MAOB: variants seen among roughly 807,000 people sequenced by gnomAD.
MAOB encodes monoamine oxidase B.
Under a neutral mutation model 41.9 loss-of-function variants are expected in MAOB, and 15 were observed. The observed-to-expected ratio is 0.36, with a 90% confidence interval of 0.24 to 0.55. The LOEUF (loss-of-function observed/expected upper bound fraction) is 0.55, where lower values mean the gene tolerates loss of function less well. Ranked by LOEUF, MAOB falls within the 20% of genes least tolerant of loss-of-function variation. MAOB has a pLI of 0.86. For missense variants in MAOB, 345 were observed against 398.7 expected (o/e 0.87, Z 1.15); for synonymous variants, 167 against 144.2 (o/e 1.16, Z -1.13).
At chrX:43,839,812 A>T (rs1014384219) in intron 2 of MAOB, among the ~76,000 whole-genome samples, 2 of 112,271 alleles carry the variant, frequency 1.8e-5, no homozygotes, top group Non-Finnish European at 3.8e-5. Flanking sequence ...TCAGCACCTA[A>T]TTGTACTAAA....
At chrX:43,775,338 G>C (rs1284185581) in intron 11 of MAOB, 66 bp from the exon 12 acceptor site, 1 of 1,157,969 alleles carries the variant, frequency 8.6e-7, no homozygotes, top group African/African-American at 1.8e-5. Context: ...AGAATAAATC[G>C]AACAGTTTAG....
In MAOB at chrX:43,819,047, T is replaced by C. The variant is rs371529364; in HGVS notation, c.280-15643A>G. Among the ~76,000 whole-genome samples, 31 of 111,553 alleles carry C rather than the reference T, an allele frequency of 2.8e-4. No individual in the cohort carries two copies. The East Asian group carries it at 5.7e-3, about 20-fold the overall frequency. On this transcript the variant is annotated intron_variant, in intron 3 of 14. Transcript: ENST00000378069. ...ACTCTATTGATCTCACCAGACACTC[T>C]TACGCTTCTCTGTCCAGAGCCTTTG...
intron 3 of MAOB, among the ~76,000 whole-genome samples, chrX:43,818,755 C>T (rs766141129): frequency 3.6e-5 from 4 of 112,066 alleles, no homozygotes; most frequent in South Asian, 3.8e-4. Flanking sequence ...ATGGAAAAAG[C>T]GCAAGCTATG....
chrX:43,852,387 G>A (rs1490195674), intron 1 of MAOB, among the ~76,000 whole-genome samples: 1 of 112,325 alleles, frequency 8.9e-6, no homozygotes, highest in Non-Finnish European at 1.9e-5. Flanking sequence ...AGGAATAGAT[G>A]TGCTAAGATA....
At chrX:43,770,213 C>T (rs113030999) in intron 12 of MAOB, among the ~76,000 whole-genome samples, 1,267 of 111,245 alleles carry the variant, frequency 0.011, 29 homozygotes, top group African/African-American at 0.039. Context: ...CTGATCACCA[C>T]GGGCTGTAAA....
At position 43,767,652 on chromosome X, in the gene MAOB, G is replaced by A. The variant is rs376495597; in HGVS notation, c.1411-34C>T. The A allele has an allele frequency of 5.0e-5, 58 of 1,156,412 alleles. No homozygotes were observed. In the South Asian group the frequency reaches 1.0e-3, roughly 21 times the overall value. On this transcript the variant is annotated intron_variant, in intron 14 of 14. Coordinates refer to ENST00000378069, the MANE Select transcript of MAOB (RefSeq NM_000898.5). Reference sequence around the variant, plus strand: ...AGAAAACATTGGGTATTAGTACAGGGCTTGTGCACTTTATTCCAGAAAGTC... The same window carrying A: ...AGAAAACATTGGGTATTAGTACAGGACTTGTGCACTTTATTCCAGAAAGTC...
At chrX:43,788,074 C>T (rs998828807) in intron 8 of MAOB, among the ~76,000 whole-genome samples, 1 of 111,141 alleles carries the variant, frequency 9.0e-6, no homozygotes, top group Non-Finnish European at 1.9e-5. Context: ...AAACATGGTG[C>T]CAGCATCTGC....
rs757297455 is a variant in MAOB, at chrX:43,771,235, A to G, written c.1236-1817T>C. Among the ~76,000 whole-genome samples, 67 of 112,320 alleles carry G rather than the reference A, an allele frequency of 6.0e-4. No individual in the cohort carries two copies. The Middle Eastern group carries it at 0.014, about 23-fold the overall frequency. On this transcript the variant is annotated intron_variant, in intron 12 of 14. Coordinates refer to ENST00000378069, the MANE Select transcript of MAOB (RefSeq NM_000898.5). Reference sequence around the variant, plus strand: ...TAGAAACCATACTTCAAGTACCCATACAACCATTCTGTCTTTCACTTTCAA... The same window carrying G: ...TAGAAACCATACTTCAAGTACCCATGCAACCATTCTGTCTTTCACTTTCAA...
At chrX:43,810,615 T>C (rs1394069261) in intron 3 of MAOB, among the ~76,000 whole-genome samples, 4 of 111,148 alleles carry the variant, frequency 3.6e-5, no homozygotes, top group Non-Finnish European at 5.7e-5. Flanking sequence ...AAAAAAAGAA[T>C]GTAAAAAAGT....
rs751914644 is a variant in MAOB, at chrX:43,775,169, C to A, written c.1235+6G>T. The A allele has an allele frequency of 2.7e-6, 3 of 1,128,878 alleles. No individual in the cohort carries two copies. In the Admixed American group the frequency reaches 7.7e-5, roughly 29 times the overall value. The allele number at this position is 1,128,878 out of a possible 1,213,427, so 93.0% of individuals were successfully genotyped here. ...TCTGTAACAGCTTAGCATGCTTTTA[C>A]TCTACCTTCCATATTGAGTCAGGAT... On this transcript the variant is annotated splice_donor_region_variant and intron_variant, in intron 12 of 14. Coordinates refer to ENST00000378069, the MANE Select transcript of MAOB (RefSeq NM_000898.5).
chrX:43,817,694 C>T (rs1206932414), intron 3 of MAOB, among the ~76,000 whole-genome samples: 1 of 112,167 alleles, frequency 8.9e-6, no homozygotes, highest in Non-Finnish European at 1.9e-5. Context: ...CCTTTGTTCA[C>T]TTGCCTCCCT....
intron 3 of MAOB, among the ~76,000 whole-genome samples, chrX:43,827,544 G>A (rs1287116789): frequency 9.0e-6 from 1 of 111,551 alleles, no homozygotes; most frequent in Non-Finnish European, 1.9e-5. Flanking sequence ...GTTTCTTAAG[G>A]CCTAGGCTGT....
chrX:43,834,006 A>G (rs1311304142), intron 3 of MAOB, among the ~76,000 whole-genome samples: 1 of 112,343 alleles, frequency 8.9e-6, no homozygotes, highest in South Asian at 3.7e-4. Context: ...TGTTTCACTT[A>G]CTAGAGAGAA....
At position 43,848,531 on chromosome X, in the gene MAOB, T is replaced by C. The variant is rs2035227505; in HGVS notation, c.47-4767A>G. 2.7e-5 allele frequency among the ~76,000 whole-genome samples: 3 copies of C among 110,406 alleles called. No homozygotes were observed. In the South Asian group the frequency reaches 1.1e-3, roughly 42 times the overall value. ...TGTTTTTTTTTTTATGTTGTTGTTG[T>C]CATTTTTGTTTGTTTGTTTTAGTTT... On this transcript the variant is annotated intron_variant, in intron 1 of 14. Transcript: ENST00000378069.
chrX:43,782,114 C>T (rs1264211227), intron 8 of MAOB, among the ~76,000 whole-genome samples: 1 of 110,742 alleles, frequency 9.0e-6, no homozygotes, highest in Non-Finnish European at 1.9e-5. Flanking sequence ...CAAAAGCTAG[C>T]AGAAGACAAG....
In MAOB at chrX:43,793,478, G is replaced by T. The variant is rs745377652; in HGVS notation, c.869C>A (p.Pro290His). The T allele has an allele frequency of 1.7e-6, 2 of 1,204,349 alleles. No individual in the cohort carries two copies. The highest frequency in any genetic ancestry group is 4.4e-5 in the Admixed American group (2 of 45,795). ...MMRNQMITRV[P>H]LGSVIKCIVY... ...TATACACTTGATGACTGAACCCAAA[G>T]GCACACGAGTGATCATCTGGTTTCT... The change falls in exon 8 of 15, where the codon CCT becomes CAT. Residue 290 changes from proline (P) to histidine (H), a missense_variant. Coordinates refer to ENST00000378069, the MANE Select transcript of MAOB (RefSeq NM_000898.5).
intron 3 of MAOB, among the ~76,000 whole-genome samples, chrX:43,818,516 C>A (rs2034845281): frequency 8.9e-6 from 1 of 112,203 alleles, no homozygotes; most frequent in Admixed American, 9.5e-5. Flanking sequence ...TGCACACAGG[C>A]AACAGCAGGC....
chrX:43,837,728 G>A (rs934417808), intron 3 of MAOB: 1 of 240,569 alleles, frequency 4.2e-6, no homozygotes, highest in African/African-American at 2.9e-5. Flanking sequence ...TCTTCTAAGG[G>A]GATGTTTTCT....
intron 1 of MAOB, among the ~76,000 whole-genome samples, chrX:43,867,648 T>C (rs2035374254): frequency 8.9e-6 from 1 of 112,450 alleles, no homozygotes; most frequent in African/African-American, 3.2e-5. Context: ...ACGCTGTATT[T>C]GTTGAGTTAA....
Sources: allele counts gnomAD v4.1 joint callset (sites outside exome capture counted in the v4.1 genomes callset), GRCh38; gene constraint gnomAD v4.1.1; transcripts MANE v1.5; gene names NCBI Gene and HGNC (gene_info 2026-07-23, HGNC 2026-07-21).